KAZN: variants seen among roughly 807,000 people sequenced by gnomAD.
The protein encoded by KAZN is kazrin.
KAZN carries 40 observed loss-of-function variants against 87.4 expected under a neutral mutation model. The ratio of observed to expected loss-of-function variants is 0.46; its 90% CI spans 0.36 to 0.60. The LOEUF is 0.60. Ranked by LOEUF, KAZN falls within the 20% of genes least tolerant of loss-of-function variation. The probability of loss-of-function intolerance (pLI) is 0.00; values close to 1 mark genes in which losing one functional copy is unlikely to be tolerated. For missense variants in KAZN, 898 were observed against 1,073.9 expected, an observed-to-expected ratio of 0.84 and a Z score of 2.29; for synonymous variants, 466 against 458.3, an observed-to-expected ratio of 1.02 and a Z score of -0.22.
At chr1:14,413,354 G>A (rs1664459600) in intron 2 of KAZN, among the ~76,000 whole-genome samples, 1 of 151,952 alleles carries the variant, frequency 6.6e-6, no homozygotes, top group Non-Finnish European at 1.5e-5. Flanking sequence ...ACTTTGAGAG[G>A]CTGAGGCGGG....
At chr1:14,010,944 C>T (rs1640269999) in intron 1 of KAZN, among the ~76,000 whole-genome samples, 1 of 152,168 alleles carries the variant, frequency 6.6e-6, no homozygotes. Context: ...TTTAGCCTTG[C>T]TTCCCCTTTT....
At position 14,270,552 on chromosome 1, in the gene KAZN, C is replaced by T. The variant is rs550221005; in HGVS notation, c.249+89960C>T. On this transcript the variant is annotated intron_variant, in intron 2 of 16. Coordinates refer to the KAZN transcript ENST00000636203. ...TGACATAATGAAGGTGGCATCCTGG[C>T]ACATAGTCAGGACTCAGTAAAGTTG... 1.1e-4 allele frequency among the ~76,000 whole-genome samples: 16 copies of T among 152,278 alleles called. No individual in the cohort carries two copies. In the South Asian group the frequency reaches 2.5e-3, roughly 24 times the overall value.
At chr1:14,074,786 G>T (rs1405102259) in intron 1 of KAZN, among the ~76,000 whole-genome samples, 4 of 152,158 alleles carry the variant, frequency 2.6e-5, no homozygotes, top group East Asian at 3.9e-4. Flanking sequence ...CAGGGACTTG[G>T]GTTCCAAGCC....
At chr1:14,947,319 GCA>G (rs1661935532) in intron 1 of KAZN, among the ~76,000 whole-genome samples, 1 of 152,224 alleles carries the variant, frequency 6.6e-6, no homozygotes, top group Admixed American at 6.5e-5. Flanking sequence ...GGAAAGTCCT[GCA>G]CAGTGAGGAT....
chr1:14,332,929 G>T lies in KAZN; in HGVS notation c.249+152337G>T, dbSNP rs1316644892. ...GTACATGTGCAGGATGTGCAGGTTT[G>T]TTACATAGGTAAACGTGTGCCATGG... On this transcript the variant is annotated intron_variant, in intron 2 of 16. Transcript: ENST00000636203. 2.0e-5 allele frequency among the ~76,000 whole-genome samples: 3 copies of T among 152,134 alleles called. No individual in the cohort carries two copies. The East Asian group carries it at 5.8e-4, about 29-fold the overall frequency.
intron 1 of KAZN, among the ~76,000 whole-genome samples, chr1:13,929,165 C>T (rs1640405963): frequency 6.6e-6 from 1 of 150,868 alleles, no homozygotes; most frequent in South Asian, 2.1e-4. Context: ...GGCAATCTTT[C>T]CACCTCAGCC....
intron 2 of KAZN, among the ~76,000 whole-genome samples, chr1:14,393,526 C>T (rs1003260279): frequency 3.9e-5 from 6 of 152,058 alleles, no homozygotes; most frequent in South Asian, 2.1e-4. Context: ...AGGAAATACA[C>T]GCTTTGTAGA....
intron 2 of KAZN, among the ~76,000 whole-genome samples, chr1:14,407,607 A>C (rs1400183965): frequency 6.6e-6 from 1 of 152,086 alleles, no homozygotes; most frequent in East Asian, 1.9e-4. Context: ...TGCCTGTGAG[A>C]CCTTGAGCCA....
intron 1 of KAZN, among the ~76,000 whole-genome samples, chr1:14,007,612 T>C (rs556868239): frequency 6.6e-6 from 1 of 152,370 alleles, no homozygotes; most frequent in African/African-American, 2.4e-5. Context: ...AATCTGATGG[T>C]GTATCTATAG....
intron 1 of KAZN, among the ~76,000 whole-genome samples, chr1:14,056,564 G>A (rs1355771607): frequency 6.6e-6 from 1 of 152,214 alleles, no homozygotes; most frequent in African/African-American, 2.4e-5. Flanking sequence ...ATAAATCTAT[G>A]TTGCTTTAAG....
Position 14,311,557 on chromosome 1 carries a change from C to T in KAZN, c.249+130965C>T, listed in dbSNP as rs1057490722. 4.6e-5 allele frequency among the ~76,000 whole-genome samples: 7 copies of T among 152,142 alleles called. No homozygotes were observed. In the East Asian group the frequency reaches 1.2e-3, roughly 25 times the overall value. The stretch of plus-strand genomic sequence containing the variant: ...CATCGTGGAGACCAGAATCAAGCCA[C>T]AGGAAGTGTGTCAACAGGGCTTTCT... On this transcript the variant is annotated intron_variant, in intron 2 of 16. Coordinates refer to the KAZN transcript ENST00000636203.
chr1:15,028,325 A>G (rs1449686059), intron 2 of KAZN, among the ~76,000 whole-genome samples: 1 of 152,212 alleles, frequency 6.6e-6, no homozygotes, highest in East Asian at 1.9e-4. Context: ...GGCTGCTGGA[A>G]TAGGACCCGC....
At chr1:14,452,086 C>T (rs1287782834) in intron 2 of KAZN, among the ~76,000 whole-genome samples, 15 of 152,120 alleles carry the variant, frequency 9.9e-5, no homozygotes, top group Admixed American at 9.2e-4. Flanking sequence ...ATTACAGACA[C>T]GCCCCACCAT....
intron 2 of KAZN, among the ~76,000 whole-genome samples, chr1:14,539,320 T>C (rs1470439748): frequency 6.6e-6 from 1 of 152,238 alleles, no homozygotes; most frequent in Non-Finnish European, 1.5e-5. Flanking sequence ...CAAATGAGAA[T>C]GACTGCAAAA....
At chr1:14,841,131 T>A (rs1647922747) in intron 1 of KAZN, among the ~76,000 whole-genome samples, 1 of 152,052 alleles carries the variant, frequency 6.6e-6, no homozygotes, top group Admixed American at 6.6e-5. Context: ...AATGGAGCCA[T>A]AAGCGGCCGG....
chr1:14,022,399 A>G (rs1247518961), intron 1 of KAZN, among the ~76,000 whole-genome samples: 1 of 151,012 alleles, frequency 6.6e-6, no homozygotes, highest in East Asian at 2.0e-4. Context: ...AATGATAACA[A>G]TCTTGATTAT....
At chr1:14,334,742 G>C (rs1240085288) in intron 2 of KAZN, among the ~76,000 whole-genome samples, 4 of 152,232 alleles carry the variant, frequency 2.6e-5, no homozygotes, top group African/African-American at 9.6e-5. Context: ...GCAGAAGGTA[G>C]AGTTCCCTGT....
intron 2 of KAZN, among the ~76,000 whole-genome samples, chr1:14,238,748 A>T (rs1648653487): frequency 6.6e-6 from 1 of 152,214 alleles, no homozygotes; most frequent in African/African-American, 2.4e-5. Context: ...TGGGGAAAGG[A>T]TGGAGGACCT....
At chr1:15,098,292 A>C (rs571634677) in intron 10 of KAZN, among the ~76,000 whole-genome samples, 47 of 152,356 alleles carry the variant, frequency 3.1e-4, no homozygotes, top group Admixed American at 7.2e-4. Flanking sequence ...ATGCTGTTTT[A>C]TTCAACTTGG....
Sources: gnomAD v4.1 joint callset for allele counts (sites outside exome capture counted in the v4.1 genomes callset) on GRCh38, gnomAD v4.1.1 for gene constraint, MANE v1.5 for transcripts, NCBI Gene and HGNC (gene_info 2026-07-23, HGNC 2026-07-21) for gene names.